GNG2: variants seen among roughly 807,000 people sequenced by gnomAD.
GNG2 encodes the protein G protein subunit gamma 2.
GNG2 carries 5 observed loss-of-function variants against 5.5 expected under a neutral mutation model. The observed-to-expected ratio is 0.91, with a 90% CI of 0.48 to 1.92. The LOEUF is 1.92. Among genes scored for constraint, GNG2 ranks in the 30% most tolerant of loss-of-function variants. GNG2 has a pLI of 0.01. For synonymous variants in GNG2, 28 were observed against 32.0 expected (o/e 0.88, Z 0.42); for missense variants, 55 against 88.4 (o/e 0.62, Z 1.52).
chr14:51,836,451 T>C (rs1881334920), intron 2 of GNG2, among the ~76,000 whole-genome samples: 1 of 152,172 alleles, frequency 6.6e-6, no homozygotes, highest in Non-Finnish European at 1.5e-5. Flanking sequence ...TAAGAATATA[T>C]ATTATGATGT....
chr14:51,954,919 A>G (rs1487923708), intron 3 of GNG2, among the ~76,000 whole-genome samples: 4 of 152,164 alleles, frequency 2.6e-5, no homozygotes, highest in Non-Finnish European at 5.9e-5. Context: ...TCCAGCTTCA[A>G]TCAACTGACA....
upstream of GNG2, among the ~76,000 whole-genome samples, chr14:51,857,520 G>C (rs1353682813): frequency 6.6e-6 from 1 of 152,230 alleles, no homozygotes; most frequent in African/African-American, 2.4e-5. Context: ...TAGTAGGAAA[G>C]TGACTTGATC....
At chr14:51,951,937 G>A (rs3825601) in intron 3 of GNG2, 243,844 of 699,940 alleles carry the variant, frequency 0.35, 45,504 homozygotes, top group Non-Finnish European at 0.39. Flanking sequence ...TCATCTGTGC[G>A]TTCCCAACAC....
intron 2 of GNG2, among the ~76,000 whole-genome samples, chr14:51,832,122 A>C (rs1016015832): frequency 4.1e-5 from 6 of 145,146 alleles, no homozygotes; most frequent in Admixed American, 2.1e-4. Flanking sequence ...TGTACAAAAA[A>C]TACAAAAATT....
intron 2 of GNG2, among the ~76,000 whole-genome samples, chr14:51,854,600 C>T (rs1027002490): frequency 2.1e-5 from 3 of 146,120 alleles, no homozygotes; most frequent in Non-Finnish European, 4.5e-5. Context: ...ACCTCCTCCT[C>T]CAGGGTTGCA....
upstream of GNG2, among the ~76,000 whole-genome samples, chr14:51,857,483 C>T (rs910638475): frequency 5.9e-5 from 9 of 152,034 alleles, no homozygotes; most frequent in African/African-American, 2.2e-4. Context: ...CTGTAAGCAA[C>T]CTGGAGGGGA....
At chr14:51,947,767 C>A (rs1454871661) in intron 2 of GNG2, among the ~76,000 whole-genome samples, 1 of 152,198 alleles carries the variant, frequency 6.6e-6, no homozygotes, top group Non-Finnish European at 1.5e-5. Context: ...CCACTCACAG[C>A]TTTTCCCAGG....
intron 2 of GNG2, among the ~76,000 whole-genome samples, chr14:51,925,049 A>G (rs1050732638): frequency 6.6e-6 from 1 of 152,244 alleles, no homozygotes; most frequent in Non-Finnish European, 1.5e-5. Context: ...AGTGTTCCAT[A>G]GCACTGTAGG....
chr14:51,958,014 C>T (rs1283748143), intron 3 of GNG2, among the ~76,000 whole-genome samples: 1 of 152,154 alleles, frequency 6.6e-6, no homozygotes, highest in Non-Finnish European at 1.5e-5. Context: ...TTCCAGATTT[C>T]TCCACACAAA....
chr14:51,901,419 C>T (rs1885547874), intron 2 of GNG2, among the ~76,000 whole-genome samples: 1 of 151,906 alleles, frequency 6.6e-6, no homozygotes, highest in Non-Finnish European at 1.5e-5. Context: ...TCTCAAAACT[C>T]CTGGGCTCAA....
intron 1 of GNG2, 75 bp from the exon 2 acceptor site, chr14:51,877,542 C>T: frequency 2.3e-6 from 1 of 444,128 alleles, no homozygotes; most frequent in South Asian, 1.6e-5. Flanking sequence ...TTCATTCATT[C>T]TACTTATCCA....
chr14:51,968,996 TATA>T lies in GNG2; in HGVS notation c.*2313_*2315del, dbSNP rs1311669613. 6.6e-6 allele frequency: 1 copy of T among 152,224 alleles called. No individual in the cohort carries two copies. The highest frequency in any genetic ancestry group is 2.4e-5 in the African/African-American group (1 of 41,466). 9.4% of individuals were successfully genotyped at this position (152,224 alleles called of 1,614,324 possible). On this transcript the variant is annotated 3_prime_UTR_variant, in exon 4 of 4. Transcript: ENST00000556766. ...AATTTTATGTCTTACAGTATGGAAT[TATA>T]ATACGAAAATCTTTATATGAGTTTT...
intron 3 of GNG2, among the ~76,000 whole-genome samples, chr14:51,965,024 AGTCGGACGAAG>A (rs1889816082): frequency 6.6e-6 from 1 of 152,194 alleles, no homozygotes; most frequent in Non-Finnish European, 1.5e-5. Context: ...AAATTATTTC[AGTCGGACGAAG>A]TGGTATAGAG....
intron 2 of GNG2, chr14:51,916,511 A>T (rs992964023): frequency 5.2e-5 from 4 of 76,724 alleles, no homozygotes; most frequent in Admixed American, 4.3e-4. Flanking sequence ...AATAATCCTG[A>T]AAAAAAAAAA....
At chr14:51,949,875 G>T (rs371074224) in intron 2 of GNG2, among the ~76,000 whole-genome samples, 105 of 151,530 alleles carry the variant, frequency 6.9e-4, no homozygotes, top group African/African-American at 2.5e-3. Context: ...GGATTTGAAG[G>T]GGGAGGGGAG....
At chr14:51,842,298 T>A (rs1444156850) in intron 2 of GNG2, among the ~76,000 whole-genome samples, 6 of 152,212 alleles carry the variant, frequency 3.9e-5, no homozygotes, top group African/African-American at 1.4e-4. Context: ...AAATTCAATT[T>A]TAATACATGT....
intron 2 of GNG2, among the ~76,000 whole-genome samples, chr14:51,935,324 C>T (rs1887927730): frequency 1.3e-5 from 2 of 152,262 alleles, no homozygotes; most frequent in Admixed American, 6.5e-5. Context: ...CACGCCCAGC[C>T]CAGCCCAGTT....
rs77852699 is a variant in GNG2 at position 51,878,836 on chromosome 14, C to T, written c.-30+1179C>T. 5.4e-3 allele frequency among the ~76,000 whole-genome samples: 826 copies of T among 152,296 alleles called. 15 individuals carry two copies. The highest frequency in any genetic ancestry group is 0.041 in the East Asian group (212 of 5,190). On this transcript the variant is annotated intron_variant, in intron 2 of 3. Transcript: ENST00000556766. ...CTTTCAGGTGAGGGCTGAGACATCC[C>T]ATATTCTATCAAATGTTACTAATAA...
intron 2 of GNG2, among the ~76,000 whole-genome samples, chr14:51,946,142 C>A (rs1344602230): frequency 6.6e-6 from 1 of 152,138 alleles, no homozygotes; most frequent in African/African-American, 2.4e-5. Context: ...CCCTCAAATT[C>A]TGCAGAAGTC....
Sources: gnomAD v4.1 joint callset for allele counts (sites outside exome capture counted in the v4.1 genomes callset) on GRCh38, gnomAD v4.1.1 for gene constraint, MANE v1.5 for transcripts, NCBI Gene and HGNC (gene_info 2026-07-23, HGNC 2026-07-21) for gene names.